ACTN2: variants seen among roughly 807,000 people sequenced by gnomAD.
ACTN2 encodes alpha-actinin-2.
A neutral mutation model predicts 113.8 loss-of-function variants in ACTN2; 39 were observed. That is an observed-to-expected ratio of 0.34 (90% CI 0.27 to 0.45). The LOEUF (loss-of-function observed/expected upper bound fraction) is 0.45. Among genes scored for constraint, ACTN2 ranks in the 20% least tolerant of loss-of-function variants. The pLI is 1.00. For synonymous variants in ACTN2, 429 were observed against 444.1 expected, an observed-to-expected ratio of 0.97 and a Z score of 0.43; for missense variants, 992 against 1,177.9, an observed-to-expected ratio of 0.84 and a Z score of 2.31.
At chr1:236,736,616 C>A (rs769021303) in intron 8 of ACTN2, 5 of 1,535,542 alleles carry the variant, frequency 3.3e-6, no homozygotes, top group African/African-American at 1.4e-5. Context: ...CCAGAAAGTT[C>A]TACATGTTCA....
chr1:236,734,139 C>A, intron 7 of ACTN2, among the ~76,000 whole-genome samples: 1 of 152,196 alleles, frequency 6.6e-6, no homozygotes, highest in Middle Eastern at 3.4e-3. Context: ...TGTTCAATTC[C>A]GAGGGCCTAA....
chr1:236,727,580 T>A, intron 5 of ACTN2, 98 bp from the exon 6 acceptor site: 1 of 1,296,618 alleles, frequency 7.7e-7, no homozygotes, highest in Non-Finnish European at 1.1e-6. Flanking sequence ...GTGCATGAAG[T>A]CAGACAGAAG....
At chr1:236,701,462 G>C (rs774697624) in intron 1 of ACTN2, among the ~76,000 whole-genome samples, 2 of 152,200 alleles carry the variant, frequency 1.3e-5, no homozygotes, top group Non-Finnish European at 2.9e-5. Context: ...AGAACACCGT[G>C]AAAGTGAGCC....
rs1659762237 is a variant in ACTN2, at chr1:236,763,263, CTCAG to C, written c.*650_*653del. 6.5e-6 allele frequency: 1 copy of C among 154,842 alleles called. No individual in the cohort carries two copies. The highest frequency in any genetic ancestry group is 2.0e-4 in the South Asian group (1 of 5,000). The allele number at this position is 154,842 out of a possible 1,614,324, so 9.6% of individuals were successfully genotyped here. ...TCATTATTTAGGGCTGGATGGTCAA[CTCAG>C]TCAGTGATTTTTTGATGCTTCTCTT... On this transcript the variant is annotated 3_prime_UTR_variant, in exon 21 of 21. Coordinates refer to ENST00000366578, the MANE Select transcript of ACTN2 (RefSeq NM_001103.4).
intron 7 of ACTN2, among the ~76,000 whole-genome samples, chr1:236,733,047 A>G (rs1255038519): frequency 6.6e-6 from 1 of 152,228 alleles, no homozygotes; most frequent in Non-Finnish European, 1.5e-5. Context: ...TAGTTTCTCT[A>G]AAAGTCATTA....
intron 6 of ACTN2, among the ~76,000 whole-genome samples, 155 bp downstream of exon 6, chr1:236,727,911 T>G (rs1658601396): frequency 6.6e-6 from 1 of 152,144 alleles, no homozygotes; most frequent in African/African-American, 2.4e-5. Flanking sequence ...GCCTTTCCCA[T>G]GATCCAAGTA....
chr1:236,732,688 C>T (rs1272522089), intron 7 of ACTN2, among the ~76,000 whole-genome samples: 2 of 152,100 alleles, frequency 1.3e-5, no homozygotes, highest in Non-Finnish European at 2.9e-5. Flanking sequence ...GGTGATCCAC[C>T]TACTTCGGCC....
chr1:236,737,080 CCCGTCGACAGAG>C, intron 8 of ACTN2, 30 bp from the exon 9 acceptor site: 1 of 1,533,894 alleles, frequency 6.5e-7, no homozygotes, highest in Non-Finnish European at 9.0e-7. Context: ...TGTGCGCATT[CCCGTCGACAGAG>C]CCGTCCTGTT....
chr1:236,697,930 T>C (rs1200573612), intron 1 of ACTN2, among the ~76,000 whole-genome samples: 1 of 121,632 alleles, frequency 8.2e-6, no homozygotes, highest in Non-Finnish European at 1.7e-5. Context: ...TGGCTAATTT[T>C]CGTATTTTTT....
chr1:236,688,703 A>C (rs760121696), intron 1 of ACTN2, among the ~76,000 whole-genome samples: 15 of 152,184 alleles, frequency 9.9e-5, no homozygotes, highest in Non-Finnish European at 2.1e-4. Context: ...ATTAGGAGAG[A>C]TCTAGAAGAT....
intron 1 of ACTN2, among the ~76,000 whole-genome samples, chr1:236,712,341 A>G (rs1008836636): frequency 4.6e-5 from 7 of 152,318 alleles, no homozygotes; most frequent in Admixed American, 2.6e-4. Context: ...TGGGCTCTTT[A>G]TAAGCTATTA....
chr1:236,760,459 T>C (rs1300202800), intron 19 of ACTN2, among the ~76,000 whole-genome samples: 1 of 152,198 alleles, frequency 6.6e-6, no homozygotes, highest in African/African-American at 2.4e-5. Flanking sequence ...CTTTTTCCTC[T>C]AATATGCTGA....
intron 1 of ACTN2, among the ~76,000 whole-genome samples, chr1:236,696,493 A>AGATGAC (rs1657505239): frequency 6.6e-6 from 1 of 152,172 alleles, no homozygotes; most frequent in South Asian, 2.1e-4. Context: ...CAAGATGTGA[A>AGATGAC]GATGACAATT....
In ACTN2 at chr1:236,705,715, A is replaced by G. The variant is rs1446845561; in HGVS notation, c.127-12143A>G. On this transcript the variant is annotated intron_variant, in intron 1 of 20. Transcript: ENST00000366578. ...GCCTTATCAGGCATTTCACCTTTCCAAATTCCATAGTTTCCATCCTTTCTG... is the reference window on the plus strand; with the variant it reads ...GCCTTATCAGGCATTTCACCTTTCCGAATTCCATAGTTTCCATCCTTTCTG... 3.3e-5 allele frequency among the ~76,000 whole-genome samples: 5 copies of G among 152,256 alleles called. No individual in the cohort carries two copies. The East Asian group carries it at 9.6e-4, about 29-fold the overall frequency.
chr1:236,757,434 G>A lies in ACTN2; in HGVS notation c.2155-52G>A, dbSNP rs1659581375. ...ACTGTTATGAAAGTAAAGAGGCAGAGTTGACATGCTGGAGAGACTTAGAAC... is the reference window on the plus strand; with the variant it reads ...ACTGTTATGAAAGTAAAGAGGCAGAATTGACATGCTGGAGAGACTTAGAAC... On this transcript the variant is annotated intron_variant, in intron 17 of 20. Coordinates refer to ENST00000366578, the MANE Select transcript of ACTN2 (RefSeq NM_001103.4). 5.0e-6 allele frequency: 8 copies of A among 1,612,014 alleles called. No homozygotes were observed. The Admixed American group carries it at 1.3e-4, about 27-fold the overall frequency.
intron 1 of ACTN2, among the ~76,000 whole-genome samples, chr1:236,704,365 G>T (rs1489089051): frequency 6.6e-6 from 1 of 152,188 alleles, no homozygotes; most frequent in Non-Finnish European, 1.5e-5. Context: ...TGTACACCAA[G>T]CAGGCAATCT....
Position 236,755,142 on chromosome 1 carries a change from C to G in ACTN2, c.2098C>G (p.Gln700Glu). ...CATCGACAAGCTGGAGGGAGACCAT[C>G]AGCTCATCCAGGAGGCCCTTGTCTT... ...NNIDKLEGDHQLIQEALVFDN... is the reference protein window; with the variant it reads ...NNIDKLEGDHELIQEALVFDN... Residue 700 changes from glutamine (Q) to glutamate (E), a missense_variant, in exon 17 of 21, where the codon CAG (glutamine) becomes GAG (glutamate). Around this residue, in one of 3 missense-constraint regions of ACTN2, gnomAD observed 736 missense variants for 815.4 expected, o/e 0.90. Coordinates refer to ENST00000366578, the MANE Select transcript of ACTN2 (RefSeq NM_001103.4). 1.2e-6 allele frequency: 2 copies of G among 1,614,234 alleles called. No homozygotes were observed. The highest frequency in any genetic ancestry group is 1.7e-6 in the Non-Finnish European group (2 of 1,180,052).
At chr1:236,715,205 G>A (rs1658148262) in intron 1 of ACTN2, among the ~76,000 whole-genome samples, 1 of 148,940 alleles carries the variant, frequency 6.7e-6, no homozygotes, top group Non-Finnish European at 1.5e-5. Context: ...TGTGCACAAC[G>A]TGTAGGTTTG....
intron 10 of ACTN2, 42 bp downstream of exon 10, chr1:236,739,574 C>A: frequency 6.2e-7 from 1 of 1,602,762 alleles, no homozygotes; most frequent in Non-Finnish European, 8.5e-7. Context: ...CACGGGAAGC[C>A]CTCCTTCTAG....
Sources: allele counts gnomAD v4.1 joint callset (sites outside exome capture counted in the v4.1 genomes callset), GRCh38; gene constraint gnomAD v4.1.1; regional missense constraint gnomAD v4.1.1; transcripts MANE v1.5; gene names NCBI Gene and HGNC (gene_info 2026-07-23, HGNC 2026-07-21).